Variants in TF observed in about 807,000 individuals in gnomAD.
TF encodes the protein transferrin.
Under a neutral mutation model 82.4 loss-of-function variants are expected in TF, and 55 were observed. The observed-to-expected ratio is 0.67, with a 90% CI of 0.54 to 0.84. The LOEUF (loss-of-function observed/expected upper bound fraction) is 0.84. Ranked by LOEUF, TF falls within the 40% of genes least tolerant of loss-of-function variation. The pLI, the probability that TF is intolerant of heterozygous loss-of-function variation, is 0.00. For missense variants in TF, 737 were observed against 868.4 expected (o/e 0.85, Z 1.90); for synonymous variants, 332 against 332.6 (o/e 1.00, Z 0.02).
At chr3:133,725,832 T>C in the TF span, among the ~76,000 whole-genome samples, 2 of 152,200 alleles carry the variant, frequency 1.3e-5, no homozygotes, top group African/African-American at 2.4e-5. Context: ...ATACGTCCCA[T>C]CAATACCTAA....
chr3:133,679,569 CT>C, the TF span, among the ~76,000 whole-genome samples: 939 of 75,354 alleles, frequency 0.012, 1 homozygote, highest in Non-Finnish European at 0.016. Context: ...CTTTGTTTGG[CT>C]TTTTTTTTTT....
chr3:133,712,339 C>T, the TF span, among the ~76,000 whole-genome samples: 1 of 152,156 alleles, frequency 6.6e-6, no homozygotes, highest in Non-Finnish European at 1.5e-5. Flanking sequence ...AAAACATGTG[C>T]TCCGGGTTCT....
At chr3:133,683,034 G>C in the TF span, among the ~76,000 whole-genome samples, 1 of 152,232 alleles carries the variant, frequency 6.6e-6, no homozygotes, top group Non-Finnish European at 1.5e-5. Flanking sequence ...CCAAAAGAGA[G>C]TGGGGGCCAA....
the TF span, among the ~76,000 whole-genome samples, chr3:133,673,662 T>C: frequency 3.3e-5 from 5 of 152,290 alleles, no homozygotes; most frequent in East Asian, 9.7e-4. Flanking sequence ...AATTAGTCTA[T>C]GTGTTAGAAG....
At chr3:133,719,695 C>T in the TF span, among the ~76,000 whole-genome samples, 1 of 152,098 alleles carries the variant, frequency 6.6e-6, no homozygotes, top group South Asian at 2.1e-4. Flanking sequence ...CTACAGATTG[C>T]TTTGTGTAGT....
At chr3:133,756,176 C>T in intron 5 of TF, 106 bp from the exon 6 acceptor site, 1 of 1,133,442 alleles carries the variant, frequency 8.8e-7, no homozygotes, top group Non-Finnish European at 1.3e-6. Context: ...CGGGGCTGCA[C>T]CAGGCTCTAT....
chr3:133,726,077 T>A, the TF span, among the ~76,000 whole-genome samples: 9 of 152,322 alleles, frequency 5.9e-5, no homozygotes, highest in Middle Eastern at 0.01. Flanking sequence ...TATTGAGGAT[T>A]TTTGCATCAA....
In TF at chr3:133,763,413, G is replaced by A. The variant is rs143517933; in HGVS notation, c.1204-769G>A. Among the ~76,000 whole-genome samples, 218 of 152,266 alleles carry A rather than the reference G, an allele frequency of 1.4e-3. 1 individual carries two copies. Among genetic ancestry groups the A allele is most frequent in the Non-Finnish European group, 2.2e-3 (150 of 68,016 alleles). Reference sequence around the variant, plus strand: ...TTTAAAGAAAAAAATGATATTTTAAGACTGATATCTATTCCATAGCATGGA... The same window carrying A: ...TTTAAAGAAAAAAATGATATTTTAAAACTGATATCTATTCCATAGCATGGA... On this transcript the variant is annotated intron_variant, in intron 9 of 16. Transcript: ENST00000402696.
chr3:133,725,561 G>T, the TF span, among the ~76,000 whole-genome samples: 1 of 152,122 alleles, frequency 6.6e-6, no homozygotes, highest in South Asian at 2.1e-4. Context: ...TTTGGGCTGA[G>T]ACAATGGGGT....
rs995704785 is a variant in TF at position 133,786,261 on chromosome 3, T to A, written c.*7641T>A. 1 of 150,752 alleles carries A rather than the reference T, an allele frequency of 6.6e-6. No homozygotes were observed. Among genetic ancestry groups the A allele is most frequent in the Non-Finnish European group, 1.5e-5 (1 of 67,850 alleles). The allele number at this position is 150,752 out of a possible 1,614,324, so 9.3% of individuals were successfully genotyped here. Reference sequence around the variant, plus strand: ...AAAAACAATACTATTTTTTGAACTATCTACCCTTTCTAGATGTTCTGAAAT... The same window carrying A: ...AAAAACAATACTATTTTTTGAACTAACTACCCTTTCTAGATGTTCTGAAAT... On this transcript the variant is annotated 3_prime_UTR_variant, in exon 17 of 17. Coordinates refer to ENST00000402696, the MANE Select transcript of TF (RefSeq NM_001063.4).
chr3:133,724,431 C>T, the TF span, among the ~76,000 whole-genome samples: 4 of 152,048 alleles, frequency 2.6e-5, no homozygotes, highest in Admixed American at 1.3e-4. Flanking sequence ...TTTTCATGTG[C>T]CTTTTGGCTG....
At chr3:133,729,171 C>A in the TF span, among the ~76,000 whole-genome samples, 7 of 152,168 alleles carry the variant, frequency 4.6e-5, no homozygotes, top group Non-Finnish European at 1.0e-4. Context: ...CTGGGAGAAC[C>A]ACTGCTCTCT....
chr3:133,734,493 C>A, the TF span, among the ~76,000 whole-genome samples: 2 of 152,166 alleles, frequency 1.3e-5, no homozygotes, highest in East Asian at 1.9e-4. Context: ...GAGCACTGAA[C>A]TAGATAATGT....
At chr3:133,748,623 A>G in intron 2 of TF, 39 bp downstream of exon 2, 1 of 1,610,268 alleles carries the variant, frequency 6.2e-7, no homozygotes, top group Non-Finnish European at 8.5e-7. Flanking sequence ...GAAGAAAGCC[A>G]TACTTTCTCT....
chr3:133,675,643 G>C, the TF span, among the ~76,000 whole-genome samples: 1 of 152,156 alleles, frequency 6.6e-6, no homozygotes, highest in Non-Finnish European at 1.5e-5. Flanking sequence ...ATTAGCCTTC[G>C]AGTCACAGCA....
At chr3:133,768,731 A>G (rs1934188566) in intron 13 of TF, among the ~76,000 whole-genome samples, 1 of 149,676 alleles carries the variant, frequency 6.7e-6, no homozygotes, top group Non-Finnish European at 1.5e-5. Flanking sequence ...CTACAATTGT[A>G]CTTTATGGAG....
At chr3:133,772,961 G>C (rs942867822) in intron 14 of TF, 10 of 151,996 alleles carry the variant, frequency 6.6e-5, no homozygotes, top group African/African-American at 2.4e-4. Flanking sequence ...TTTAGATTGA[G>C]GGTACATATG....
In TF at chr3:133,790,156, T is replaced by C. The variant is rs1195932167; in HGVS notation, c.*11536T>C. 1 of 152,152 alleles carries C rather than the reference T, an allele frequency of 6.6e-6. No homozygotes were observed. The highest frequency in any genetic ancestry group is 6.5e-5 in the Admixed American group (1 of 15,274). The allele number at this position is 152,152 out of a possible 1,614,324, so 9.4% of individuals were successfully genotyped here. A position where few individuals can be genotyped will look rare whatever the true frequency, so the allele number is the denominator to read the frequency against. On this transcript the variant is annotated 3_prime_UTR_variant, in exon 17 of 17. Transcript: ENST00000402696. ...GGGACAAATGTTTTAGATAAGCTTT[T>C]TGTGTAAAGTCTTAAAATCATTTTT...
At chr3:133,716,884 C>A in the TF span, among the ~76,000 whole-genome samples, 2 of 152,128 alleles carry the variant, frequency 1.3e-5, no homozygotes, top group Non-Finnish European at 2.9e-5. Flanking sequence ...TTGAAGACCT[C>A]AGGCACACTC....
Sources: gnomAD v4.1 joint callset for allele counts (sites outside exome capture counted in the v4.1 genomes callset) on GRCh38, gnomAD v4.1.1 for gene constraint, MANE v1.5 for transcripts, NCBI Gene and HGNC (gene_info 2026-07-23, HGNC 2026-07-21) for gene names.